The following C1orf167 variants were observed in gnomAD, a reference collection of about 807,000 sequenced individuals.
The protein encoded by C1orf167 is uncharacterized protein C1orf167.
A neutral mutation model predicts 176.5 loss-of-function variants in C1orf167; 153 were observed. The ratio of observed to expected loss-of-function variants is 0.87; its 90% confidence interval spans 0.76 to 0.99. The LOEUF is 0.99. C1orf167 is among the 50% of genes least tolerant of loss of function. The probability of loss-of-function intolerance (pLI) is 0.00; values close to 1 mark genes in which losing one functional copy is unlikely to be tolerated. For missense variants in C1orf167, 1,490 were observed against 1,817.7 expected (o/e 0.82, Z 3.28); for synonymous variants, 594 against 752.7 (o/e 0.79, Z 3.45).
chr1:11,780,621 T>A (rs2100372288), intron 13 of C1orf167, among the ~76,000 whole-genome samples: 1 of 152,328 alleles, frequency 6.6e-6, no homozygotes, highest in South Asian at 2.1e-4. Context: ...GATAATGTAG[T>A]CCCTATGTCA....
At chr1:11,765,236 C>A (rs982456573) in intron 2 of C1orf167, among the ~76,000 whole-genome samples, 3 of 152,058 alleles carry the variant, frequency 2.0e-5, no homozygotes, top group African/African-American at 7.2e-5. Flanking sequence ...AAGGCAGTAA[C>A]TTTTATGGCC....
chr1:11,776,361 G>A, intron 9 of C1orf167, 103 bp from the exon 10 acceptor site: 1 of 1,076,214 alleles, frequency 9.3e-7, no homozygotes, highest in Non-Finnish European at 1.2e-6. Flanking sequence ...CGGGACAAGA[G>A]GGGAGAGCTC....
intron 16 of C1orf167, chr1:11,785,953 G>C (rs1016519896): frequency 2.0e-5 from 3 of 151,694 alleles, no homozygotes; most frequent in Admixed American, 1.3e-4. Context: ...AGCTGGTCTC[G>C]AACTCCTGAA....
chr1:11,778,948 C>T lies in C1orf167; in HGVS notation c.2519C>T (p.Pro840Leu), dbSNP rs370523367. The T allele has an allele frequency of 3.8e-5, 49 of 1,303,834 alleles. No individual in the cohort carries two copies. The highest frequency in any genetic ancestry group is 4.5e-5 in the Non-Finnish European group (44 of 988,676). The allele number at this position is 1,303,834 out of a possible 1,614,324, so 80.8% of individuals were successfully genotyped here. Residue 840 changes from proline (P) to leucine (L), a missense_variant, in exon 12 of 21, where the codon CCG becomes CTG. By Grantham distance (98) the Pro-to-Leu change is moderately conservative (BLOSUM62 -3). Transcript: ENST00000688073. ...LEKVPRAPTL[P>L]DTLQGSLLWA... is the part of the protein sequence containing the mutation. ...CAGGTTCCCAGGGCCCCCACCCTCC[C>T]GGACACTCTCCAGGGGAGCCTTCTG...
In C1orf167 at chr1:11,768,274, A is replaced by G. The variant is rs1442418472; in HGVS notation, c.1541A>G (p.Glu514Gly). 2 of 1,289,772 alleles carry G rather than the reference A, an allele frequency of 1.6e-6. No individual in the cohort carries two copies. Among genetic ancestry groups the G allele is most frequent in the South Asian group, 1.2e-5 (1 of 81,012 alleles). 79.9% of individuals were successfully genotyped at this position (1,289,772 alleles called of 1,614,324 possible). A position where few individuals can be genotyped will look rare whatever the true frequency, so the allele number is the denominator to read the frequency against. ...TKVLLVRSFREWRNLALQQKQ... is the reference protein window; with the variant it reads ...TKVLLVRSFRGWRNLALQQKQ... The stretch of plus-strand genomic sequence containing the variant: ...GTTCTGCTGGTCCGGAGCTTCCGAG[A>G]GGTCAGCGGTCTCCAGGTTGGGCCA... The change falls in exon 5 of 21, where the codon GAG becomes GGG. Residue 514 changes from glutamate to glycine, a missense_variant and splice_region_variant. Glu to Gly is a moderately conservative substitution (Grantham distance 98, BLOSUM62 -2). Transcript: ENST00000688073. This position sits in a 1 kb window ranked among gnomAD's most constrained non-coding sequence, Gnocchi z 4.5.
chr1:11,771,492 A>G, intron 6 of C1orf167, 32 bp from the exon 7 acceptor site: 2 of 1,273,144 alleles, frequency 1.6e-6, no homozygotes, highest in Non-Finnish European at 2.1e-6. Context: ...CTCCCGGGTC[A>G]TCAGCTTCTC....
At chr1:11,782,168 T>TC in intron 13 of C1orf167, 21 bp from the exon 14 acceptor site, 2 of 1,253,940 alleles carry the variant, frequency 1.6e-6, no homozygotes, top group Non-Finnish European at 2.1e-6. Flanking sequence ...CAGTGGCTCT[T>TC]CAGCATCTCT....
chr1:11,763,858 C>A (rs552004643), intron 1 of C1orf167, among the ~76,000 whole-genome samples: 38 of 152,284 alleles, frequency 2.5e-4, no homozygotes, highest in Admixed American at 3.9e-4. Flanking sequence ...CCTGTCAGAG[C>A]AGCCACTGGT....
intron 13 of C1orf167, among the ~76,000 whole-genome samples, chr1:11,780,432 A>T (rs1408912330): frequency 1.3e-5 from 2 of 152,020 alleles, no homozygotes; most frequent in Non-Finnish European, 2.9e-5. Context: ...TCCCGTAGCA[A>T]ATTCTGGTGA....
In C1orf167 at chr1:11,768,522, C is replaced by T. The variant is rs1371278917; in HGVS notation, c.1542+247C>T. On this transcript the variant is annotated intron_variant, in intron 5 of 20. Coordinates refer to ENST00000688073, the MANE Select transcript of C1orf167 (RefSeq NM_001010881.2). The surrounding 1 kb of genome is among the most constrained non-coding windows in gnomAD (Gnocchi z 4.5). Reference sequence around the variant, plus strand: ...ACCTAACCTCTCTGTGCCCCAGTCTCTTTATCTCTAAAATGGGATGATGAT... The same window carrying T: ...ACCTAACCTCTCTGTGCCCCAGTCTTTTTATCTCTAAAATGGGATGATGAT... 6.6e-6 allele frequency among the ~76,000 whole-genome samples: 1 copy of T among 152,154 alleles called. No individual in the cohort carries two copies. Among genetic ancestry groups the T allele is most frequent in the East Asian group, 1.9e-4 (1 of 5,198 alleles).
Position 11,785,294 on chromosome 1 carries a change from GC to G in C1orf167, c.3567+9del. 1 of 1,281,806 alleles carries G rather than the reference GC, an allele frequency of 7.8e-7. No homozygotes were observed. Among genetic ancestry groups the G allele is most frequent in the South Asian group, 1.2e-5 (1 of 80,602 alleles). The allele number at this position is 1,281,806 out of a possible 1,614,324, so 79.4% of individuals were successfully genotyped here. On this transcript the variant is annotated splice_donor_region_variant and intron_variant, in intron 16 of 20. Coordinates refer to ENST00000688073, the MANE Select transcript of C1orf167 (RefSeq NM_001010881.2). The stretch of plus-strand genomic sequence containing the variant: ...GGACTGCCAGGGGCCGGCAAGGTAC[GC>G]CCCAAGCCCCAGACTGACCTCACGC...
intron 14 of C1orf167, among the ~76,000 whole-genome samples, chr1:11,783,165 G>GT (rs1473636508): frequency 1.3e-5 from 2 of 152,180 alleles, no homozygotes; most frequent in Non-Finnish European, 2.9e-5. Flanking sequence ...AATGTTCAGT[G>GT]TCCCCGTGGG....
chr1:11,788,573 C>CG (rs758721001), intron 19 of C1orf167, 79 bp from the exon 20 acceptor site: 1 of 1,205,108 alleles, frequency 8.3e-7, no homozygotes, highest in South Asian at 1.3e-5. Context: ...GCAGCAGTGT[C>CG]GGGGGAGAAA....
At chr1:11,780,667 CT>C (rs1643551934) in intron 13 of C1orf167, among the ~76,000 whole-genome samples, 1 of 152,182 alleles carries the variant, frequency 6.6e-6, no homozygotes, top group Non-Finnish European at 1.5e-5. Flanking sequence ...CACCTGGCCT[CT>C]AGGAGTCACT....
At chr1:11,788,094 C>T in intron 18 of C1orf167, 47 bp downstream of exon 18, 2 of 1,279,072 alleles carry the variant, frequency 1.6e-6, no homozygotes, top group Non-Finnish European at 2.1e-6. Context: ...GGGATGGGGG[C>T]AAGGGCTGAG....
chr1:11,772,201 G>A lies in C1orf167; in HGVS notation c.1930G>A (p.Ala644Thr). ...SFPQAWHSTAAGVAWVAPLSP... is the reference protein window; with the variant it reads ...SFPQAWHSTATGVAWVAPLSP... ...CCCCCAGGCCTGGCACTCTACTGCT[G>A]CAGGTGTAGCCTGGGTGGCCCCACT... Residue 644 changes from alanine (A) to threonine (T), a missense_variant, in exon 8 of 21, where the codon GCA becomes ACA. Transcript: ENST00000688073. 5 of 1,304,292 alleles carry A rather than the reference G, an allele frequency of 3.8e-6. No homozygotes were observed. The highest frequency in any genetic ancestry group is 2.5e-5 in the South Asian group (2 of 81,030). 80.8% of individuals were successfully genotyped at this position (1,304,292 alleles called of 1,614,324 possible).
chr1:11,781,894 A>G (rs1643619995), intron 13 of C1orf167, among the ~76,000 whole-genome samples: 1 of 150,318 alleles, frequency 6.7e-6, no homozygotes, highest in African/African-American at 2.4e-5. Context: ...TGGGTGACGG[A>G]GTAAGACTCC....
At chr1:11,770,555 C>T (rs879270230) in intron 6 of C1orf167, among the ~76,000 whole-genome samples, 2 of 151,240 alleles carry the variant, frequency 1.3e-5, no homozygotes, top group African/African-American at 2.4e-5. Context: ...GCGATTCTCC[C>T]GCCTCAGGCT....
In C1orf167 at chr1:11,787,890, C is replaced by A; in HGVS notation, c.3691C>A (p.Leu1231Ile). 8.1e-7 allele frequency: 1 copy of A among 1,237,588 alleles called. No homozygotes were observed. Among genetic ancestry groups the A allele is most frequent in the Non-Finnish European group, 1.0e-6 (1 of 956,422 alleles). 76.7% of individuals were successfully genotyped at this position (1,237,588 alleles called of 1,614,324 possible). A position where few individuals can be genotyped will look rare whatever the true frequency, so the allele number is the denominator to read the frequency against. Residue 1231 changes from leucine to isoleucine, a missense_variant, in exon 18 of 21, where the codon CTC becomes ATC. Transcript: ENST00000688073. ...AWAQRCREHS[L>I]CPAFQLWPQW... ...CTTTCCAGGGTGCAGGGAACATTCC[C>A]TCTGCCCTGCCTTCCAGCTCTGGCC... is the stretch of plus-strand genomic sequence containing the variant.
Sources: gnomAD v4.1 joint callset for allele counts (sites outside exome capture counted in the v4.1 genomes callset) on GRCh38, gnomAD v4.1.1 for gene constraint, Gnocchi (gnomAD v3.1) non-coding constraint, MANE v1.5 for transcripts, NCBI Gene and HGNC (gene_info 2026-07-23, HGNC 2026-07-21) for gene names.